SRGAP3: variants seen among roughly 807,000 people sequenced by gnomAD.
The protein encoded by SRGAP3 is SLIT-ROBO Rho GTPase activating protein 3, also known as SLIT-ROBO Rho GTPase-activating protein 3.
SRGAP3 carries 39 observed loss-of-function variants against 121.1 expected under a neutral mutation model. That is an observed-to-expected ratio of 0.32 (90% CI 0.25 to 0.42). The LOEUF is 0.42. Among genes scored for constraint, SRGAP3 ranks in the 10% least tolerant of loss-of-function variants. The pLI is 1.00. For synonymous variants in SRGAP3, 601 were observed against 570.0 expected (o/e 1.05, Z -0.77); for missense variants, 1,213 against 1,470.6 (o/e 0.82, Z 2.86).
intron 9 of SRGAP3, among the ~76,000 whole-genome samples, chr3:9,050,429 C>G (rs936945905): frequency 6.6e-6 from 1 of 152,240 alleles, no homozygotes; most frequent in Non-Finnish European, 1.5e-5. Context: ...TAGCTCATCT[C>G]TGTCCGCCTC....
chr3:9,163,310 CCTGGGG>C, intron 1 of SRGAP3, among the ~76,000 whole-genome samples: 1 of 152,308 alleles, frequency 6.6e-6, no homozygotes, highest in East Asian at 1.9e-4. Context: ...GGCGGCAGGG[CCTGGGG>C]CCTCCTCCAG....
chr3:9,005,087 T>C (rs895802338), intron 18 of SRGAP3, among the ~76,000 whole-genome samples: 4 of 151,966 alleles, frequency 2.6e-5, no homozygotes, highest in Non-Finnish European at 5.9e-5. Context: ...CTGTTACAAC[T>C]CAATAATAAA....
chr3:9,135,582 A>T (rs929245370), intron 1 of SRGAP3, among the ~76,000 whole-genome samples: 7 of 152,222 alleles, frequency 4.6e-5, no homozygotes, highest in Admixed American at 1.3e-4. Context: ...CCGGATCTGC[A>T]CTGTGAAGCC....
rs118122722 is a variant in SRGAP3 at position 9,167,755 on chromosome 3, T to C, written c.68-42838A>G. The stretch of plus-strand genomic sequence containing the variant: ...CTGAAGGCCATCAACTCATCCCACT[T>C]CAGATTGAAAGCAAAAGCTATTTTC... On this transcript the variant is annotated intron_variant, in intron 1 of 21. Coordinates refer to ENST00000383836, the MANE Select transcript of SRGAP3 (RefSeq NM_014850.4). Among the ~76,000 whole-genome samples the C allele has an allele frequency of 3.2e-4, 49 of 152,260 alleles. No homozygotes were observed. In the East Asian group the frequency reaches 6.8e-3, roughly 21 times the overall value.
At chr3:9,257,140 C>T (rs1466353347) in intron 3 of SRGAP3, 1 of 318,766 alleles carries the variant, frequency 3.1e-6, no homozygotes, top group Non-Finnish European at 5.7e-6. Flanking sequence ...TAATTTACAC[C>T]TTATATTTTT....
intron 1 of SRGAP3, among the ~76,000 whole-genome samples, chr3:9,190,513 TC>T (rs1309272980): frequency 6.6e-6 from 1 of 152,166 alleles, no homozygotes; most frequent in African/African-American, 2.4e-5. Context: ...ACTGGCTGGC[TC>T]CAATCCTCGG....
At chr3:9,195,867 G>A (rs150864082) in intron 1 of SRGAP3, among the ~76,000 whole-genome samples, 2 of 152,130 alleles carry the variant, frequency 1.3e-5, no homozygotes, top group African/African-American at 4.8e-5. Flanking sequence ...GAGGCAGGAG[G>A]ATCACTTGAG....
At chr3:9,013,560 G>T in intron 16 of SRGAP3, 25 bp from the exon 17 acceptor site, 1 of 1,611,828 alleles carries the variant, frequency 6.2e-7, no homozygotes, top group Non-Finnish European at 8.5e-7. Flanking sequence ...TTACCCACAA[G>T]TCATCTGGGA....
At chr3:9,012,161 T>C (rs148198894) in intron 17 of SRGAP3, among the ~76,000 whole-genome samples, 42 of 152,298 alleles carry the variant, frequency 2.8e-4, no homozygotes, top group South Asian at 1.2e-3. Flanking sequence ...CAGGGAGGCA[T>C]GTGGGAAGGA....
intron 2 of SRGAP3, among the ~76,000 whole-genome samples, chr3:9,123,041 G>C (rs1029611724): frequency 1.3e-5 from 2 of 152,204 alleles, no homozygotes; most frequent in Admixed American, 6.5e-5. Context: ...CCACAGGGAT[G>C]AACTTTGAGG....
rs143837876 is a variant in SRGAP3, at chr3:9,145,198, C to T, written c.68-20281G>A. On this transcript the variant is annotated intron_variant, in intron 1 of 21. Coordinates refer to ENST00000383836, the MANE Select transcript of SRGAP3 (RefSeq NM_014850.4). Reference sequence around the variant, plus strand: ...GCAACCTCCACCTCCCAGGTTCAAGCGATTCTCCTACCTCAGCCTCCCAAG... The same window carrying T: ...GCAACCTCCACCTCCCAGGTTCAAGTGATTCTCCTACCTCAGCCTCCCAAG... Among the ~76,000 whole-genome samples the T allele has an allele frequency of 5.0e-3, 762 of 152,242 alleles. 4 individuals are homozygous for T. The highest frequency in any genetic ancestry group is 0.016 in the African/African-American group (657 of 41,550).
chr3:9,101,342 G>T (rs1224326245), intron 3 of SRGAP3, among the ~76,000 whole-genome samples: 2 of 152,224 alleles, frequency 1.3e-5, no homozygotes, highest in Non-Finnish European at 1.5e-5. Context: ...CATGGGTCAG[G>T]TGGAACTGAG....
chr3:9,146,574 A>G (rs1027592139), intron 1 of SRGAP3, among the ~76,000 whole-genome samples: 5 of 152,216 alleles, frequency 3.3e-5, no homozygotes, highest in African/African-American at 1.2e-4. Flanking sequence ...TCATACTTCA[A>G]GGCCCAATTC....
chr3:9,068,115 C>T (rs1191773764), intron 4 of SRGAP3, among the ~76,000 whole-genome samples: 1 of 152,138 alleles, frequency 6.6e-6, no homozygotes, highest in African/African-American at 2.4e-5. Flanking sequence ...GATCCCATCC[C>T]CGTCTGCGTT....
intron 15 of SRGAP3, 79 bp from the exon 16 acceptor site, chr3:9,013,921 T>C: frequency 7.5e-7 from 1 of 1,341,276 alleles, no homozygotes. Flanking sequence ...CCACATCTCC[T>C]ATATCAACCC....
At chr3:9,044,675 G>A (rs1372323671) in intron 10 of SRGAP3, among the ~76,000 whole-genome samples, 1 of 152,128 alleles carries the variant, frequency 6.6e-6, no homozygotes, top group African/African-American at 2.4e-5. Flanking sequence ...GCATAAAAAG[G>A]CCACTGACGC....
intron 1 of SRGAP3, among the ~76,000 whole-genome samples, chr3:9,230,546 C>T (rs1406417551): frequency 6.6e-6 from 1 of 152,104 alleles, no homozygotes; most frequent in African/African-American, 2.4e-5. Flanking sequence ...TTGGTCTGTG[C>T]TTGGGAACTG....
rs143155288 is a variant in SRGAP3 at position 8,985,228 on chromosome 3, G to A, written c.*291C>T. 8.4e-5 allele frequency: 43 copies of A among 514,038 alleles called. No individual in the cohort carries two copies. Among genetic ancestry groups the A allele is most frequent in the African/African-American group, 7.7e-4 (40 of 51,690 alleles). The allele number at this position is 514,038 out of a possible 1,614,324, so 31.8% of individuals were successfully genotyped here. A position where few individuals can be genotyped will look rare whatever the true frequency, so the allele number is the denominator to read the frequency against. On this transcript the variant is annotated 3_prime_UTR_variant, in exon 22 of 22. Transcript: ENST00000383836. This position sits in a 1 kb window ranked among gnomAD's most constrained non-coding sequence, Gnocchi z 5.1. ...AGGAAGTTTCCAGTGACGATATGCG[G>A]GAGAAGCCATGTGGTATTTTGCCTC... is the stretch of plus-strand genomic sequence containing the variant.
At chr3:9,180,163 C>T (rs959385987) in intron 1 of SRGAP3, among the ~76,000 whole-genome samples, 1 of 152,202 alleles carries the variant, frequency 6.6e-6, no homozygotes, top group South Asian at 2.1e-4. Flanking sequence ...AGAGGTGTGG[C>T]CTGGGGAGGA....
Sources: allele counts gnomAD v4.1 joint callset (sites outside exome capture counted in the v4.1 genomes callset), GRCh38; gene constraint gnomAD v4.1.1; non-coding constraint Gnocchi (gnomAD v3.1); transcripts MANE v1.5; gene names NCBI Gene and HGNC (gene_info 2026-07-23, HGNC 2026-07-21).